MIER2: variants seen among roughly 807,000 people sequenced by gnomAD.
MIER2 encodes MIER family member 2.
Under a neutral mutation model 67.6 loss-of-function variants are expected in MIER2, and 30 were observed. The observed-to-expected ratio is 0.44, with a 90% confidence interval of 0.33 to 0.60. MIER2 has a LOEUF of 0.60. Among genes scored for constraint, MIER2 ranks in the 20% least tolerant of loss-of-function variants. MIER2 has a pLI of 0.02. For missense variants in MIER2, 702 were observed against 745.1 expected (o/e 0.94, Z 0.67); for synonymous variants, 372 against 312.6 (o/e 1.19, Z -2.00).
Position 308,708 on chromosome 19 carries a change from C to T in MIER2, c.1110-43G>A, listed in dbSNP as rs759081214. On this transcript the variant is annotated intron_variant, in intron 11 of 13. Coordinates refer to ENST00000264819, the MANE Select transcript of MIER2 (RefSeq NM_017550.3). This position sits in a 1 kb window ranked among gnomAD's most constrained non-coding sequence, Gnocchi z 9.1. ...CATGAGGGGCGGCAGACAGGACAGA[C>T]GCCCCCACCCAAGAGGTGCCGCCCA... The T allele has an allele frequency of 9.6e-5, 153 of 1,594,688 alleles. No individual in the cohort carries two copies. Among genetic ancestry groups the T allele is most frequent in the South Asian group, 5.8e-4 (52 of 89,738 alleles).
chr19:326,882 G>C, intron 5 of MIER2: 1 of 588,300 alleles, frequency 1.7e-6, no homozygotes, highest in East Asian at 2.9e-5. Flanking sequence ...TGGGAATGCT[G>C]TCCCTGGATC....
At chr19:341,778 C>A (rs979330461) in intron 1 of MIER2, among the ~76,000 whole-genome samples, 2 of 152,150 alleles carry the variant, frequency 1.3e-5, no homozygotes, top group African/African-American at 4.8e-5. Flanking sequence ...GCAAAGGAAG[C>A]GTAAACAGCA....
intron 4 of MIER2, 120 bp from the exon 5 acceptor site, chr19:327,376 C>A: frequency 7.8e-7 from 1 of 1,278,098 alleles, no homozygotes; most frequent in Non-Finnish European, 1.1e-6. Context: ...GGCTGCTATT[C>A]CCATTCTGCA....
intron 1 of MIER2, among the ~76,000 whole-genome samples, chr19:337,838 C>A (rs1368245728): frequency 4.7e-5 from 6 of 127,000 alleles, no homozygotes; most frequent in Admixed American, 1.0e-4. Flanking sequence ...CACTGCACTC[C>A]AGCCTGGGCA....
In MIER2 at chr19:306,416, G is replaced by C. The variant is rs1159582157; in HGVS notation, c.*274C>G. 5.1e-6 allele frequency: 3 copies of C among 584,870 alleles called. No homozygotes were observed. The highest frequency in any genetic ancestry group is 3.0e-6 in the Non-Finnish European group (1 of 328,254). The allele number at this position is 584,870 out of a possible 1,614,324, so 36.2% of individuals were successfully genotyped here. A position where few individuals can be genotyped will look rare whatever the true frequency, so the allele number is the denominator to read the frequency against. On this transcript the variant is annotated 3_prime_UTR_variant, in exon 14 of 14. Coordinates refer to ENST00000264819, the MANE Select transcript of MIER2 (RefSeq NM_017550.3). ...GGCGGGGTCTCTTCTGTCCCCGGCT[G>C]CCCGACGGATCCCACGTGCAGGCAG... is the stretch of plus-strand genomic sequence containing the variant.
At chr19:317,736 A>C (rs993834867) in intron 7 of MIER2, among the ~76,000 whole-genome samples, 9 of 150,080 alleles carry the variant, frequency 6.0e-5, no homozygotes, top group African/African-American at 1.7e-4. Context: ...GTCTCAAAAA[A>C]AAAAAAAAAA....
chr19:319,641 T>C (rs1436556347), intron 7 of MIER2, among the ~76,000 whole-genome samples: 1 of 152,038 alleles, frequency 6.6e-6, no homozygotes, highest in Non-Finnish European at 1.5e-5. Context: ...GTATTTTTAG[T>C]AGCGACAGGG....
Position 307,163 on chromosome 19 carries a change from G to A in MIER2, c.1572C>T (p.His524=). Residue 524 remains histidine, a synonymous_variant, in exon 13 of 14, where the codon CAC becomes CAT. Transcript: ENST00000264819. ...GTAGCCCGGGGGCCGGGCACGTGGG[G>A]TGGGCGGCCAGGAAGGGGTTCACGT... ...IGDVNPFLAA[H]PTCPAPGLHS... The A allele has an allele frequency of 6.3e-7, 1 of 1,589,232 alleles. No homozygotes were observed.
Position 309,920 on chromosome 19 carries a change from A to G in MIER2, c.985-995T>C, listed in dbSNP as rs867308127. 1.7e-4 allele frequency among the ~76,000 whole-genome samples: 20 copies of G among 117,186 alleles called. 2 individuals are homozygous for G. The highest frequency in any genetic ancestry group is 4.1e-4 in the African/African-American group (10 of 24,256). The allele number at this position is 117,186 out of a possible 152,430, so 76.9% of individuals were successfully genotyped here. Reference sequence around the variant, plus strand: ...GGGACACGAGAAGGGACACACACACACACGCACACAAGGCTTCAGGGAGAC... The same window carrying G: ...GGGACACGAGAAGGGACACACACACGCACGCACACAAGGCTTCAGGGAGAC... On this transcript the variant is annotated intron_variant, in intron 10 of 13. Transcript: ENST00000264819.
intron 7 of MIER2, among the ~76,000 whole-genome samples, chr19:322,036 C>T (rs35462395): frequency 6.6e-6 from 1 of 152,110 alleles, no homozygotes; most frequent in Non-Finnish European, 1.5e-5. Flanking sequence ...TCCCAAGTAG[C>T]TGGGACTACA....
chr19:317,160 C>T (rs1309210666), intron 7 of MIER2, among the ~76,000 whole-genome samples: 5 of 151,608 alleles, frequency 3.3e-5, no homozygotes, highest in Admixed American at 2.0e-4. Context: ...TTTGGGAGGC[C>T]GACGTGGGCG....
intron 10 of MIER2, among the ~76,000 whole-genome samples, chr19:309,568 G>A (rs1389369025): frequency 2.7e-5 from 4 of 148,516 alleles, no homozygotes. Flanking sequence ...AGGGAGACGA[G>A]AAGGGACACA....
rs749093636 is a variant in MIER2, at chr19:307,328, C to G, written c.1407G>C (p.Arg469Ser). 6.2e-7 allele frequency: 1 copy of G among 1,603,016 alleles called. No individual in the cohort carries two copies. Reference sequence around the variant, plus strand: ...TGGGCAGGGCGAAGTCCACGGCCAGCCTTGGGCTGGCGTCTGGCTCCGGAG... The same window carrying G: ...TGGGCAGGGCGAAGTCCACGGCCAGGCTTGGGCTGGCGTCTGGCTCCGGAG... ...VTAPEPDASP[R>S]LAVDFALPKE... The change falls in exon 13 of 14, where the codon AGG (arginine) becomes AGC (serine). Residue 469 changes from arginine (R) to serine (S), a missense_variant. Arg to Ser is a moderately radical substitution (Grantham distance 110). Around this residue, in one of 3 missense-constraint regions of MIER2, gnomAD observed 254 missense variants for 262.8 expected, o/e 0.97. Coordinates refer to ENST00000264819, the MANE Select transcript of MIER2 (RefSeq NM_017550.3).
Position 326,490 on chromosome 19 carries a change from A to C in MIER2, c.585+17T>G. 6.2e-7 allele frequency: 1 copy of C among 1,608,776 alleles called. No individual in the cohort carries two copies. The highest frequency in any genetic ancestry group is 8.5e-7 in the Non-Finnish European group (1 of 1,175,572). Reference sequence around the variant, plus strand: ...ACGGCCGGGATGCCAGGTTGGGGAGATGGCAGAACCACGTACCTTCTTACA... The same window carrying C: ...ACGGCCGGGATGCCAGGTTGGGGAGCTGGCAGAACCACGTACCTTCTTACA... On this transcript the variant is annotated intron_variant, in intron 6 of 13. Coordinates refer to ENST00000264819, the MANE Select transcript of MIER2 (RefSeq NM_017550.3).
chr19:311,441 C>A (rs528220618), intron 10 of MIER2, among the ~76,000 whole-genome samples: 1 of 152,258 alleles, frequency 6.6e-6, no homozygotes, highest in South Asian at 2.1e-4. Context: ...GGACCTGGGT[C>A]CCTGGAGGAG....
At chr19:341,066 C>T (rs181513419) in intron 1 of MIER2, among the ~76,000 whole-genome samples, 52 of 152,336 alleles carry the variant, frequency 3.4e-4, no homozygotes, top group Admixed American at 6.5e-4. Flanking sequence ...TACACAGCCA[C>T]ACGCGGTGTG....
At chr19:316,728 G>C (rs1188180082) in intron 7 of MIER2, among the ~76,000 whole-genome samples, 1 of 152,224 alleles carries the variant, frequency 6.6e-6, no homozygotes, top group East Asian at 1.9e-4. Context: ...TGTAATGTCA[G>C]CACTTTGGGA....
At chr19:320,401 A>C (rs1405979953) in intron 7 of MIER2, among the ~76,000 whole-genome samples, 1 of 152,088 alleles carries the variant, frequency 6.6e-6, no homozygotes, top group African/African-American at 2.4e-5. Context: ...AGATAGATAG[A>C]TAAATAAATA....
rs1035673242 is a variant in MIER2 at position 334,495 on chromosome 19, G to A, written c.148C>T (p.Leu50=). ...CCCCTAACACTGTAGTTCTGTGACA[G>A]GATCTCTGCGAGGTTGAACTGATGG... ...GDHQFNLAEI[L]SQNYSVRGEC... is the part of the protein sequence containing the mutation. The change falls in exon 3 of 14, where the codon CTG becomes TTG. Residue 50 remains leucine, a synonymous_variant. Transcript: ENST00000264819. 2 of 1,614,044 alleles carry A rather than the reference G, an allele frequency of 1.2e-6. No individual in the cohort carries two copies. The highest frequency in any genetic ancestry group is 1.3e-5 in the African/African-American group (1 of 74,942).
Sources: gnomAD v4.1 joint callset for allele counts (sites outside exome capture counted in the v4.1 genomes callset) on GRCh38, gnomAD v4.1.1 for gene constraint, gnomAD v4.1.1 regional missense constraint, Gnocchi (gnomAD v3.1) non-coding constraint, MANE v1.5 for transcripts, NCBI Gene and HGNC (gene_info 2026-07-23, HGNC 2026-07-21) for gene names.